The following RMDN2 variants were observed in gnomAD, a reference collection of about 807,000 sequenced individuals.
RMDN2 encodes regulator of microtubule dynamics 2.
RMDN2 carries 61 observed loss-of-function variants against 52.8 expected under a neutral mutation model. The ratio of observed to expected loss-of-function variants is 1.16; its 90% CI spans 0.94 to 1.43. RMDN2 has a LOEUF of 1.43. Ranked by LOEUF, RMDN2 falls within the 40% of genes most tolerant of loss-of-function variation. The pLI, the probability that RMDN2 is intolerant of heterozygous loss-of-function variation, is 0.00. For synonymous variants in RMDN2, 180 were observed against 153.1 expected (o/e 1.18, Z -1.30); for missense variants, 592 against 475.3 (o/e 1.25, Z -2.28).
intron 10 of RMDN2, chr2:38,033,058 C>T (rs1573188293): frequency 6.6e-6 from 1 of 152,154 alleles, no homozygotes; most frequent in South Asian, 2.1e-4. Flanking sequence ...TTCTCGTTAA[C>T]ACTTGCTATG....
chr2:37,929,884 T>C (rs1666580394), intron 2 of RMDN2, among the ~76,000 whole-genome samples, 155 bp downstream of exon 2: 1 of 152,256 alleles, frequency 6.6e-6, no homozygotes, highest in Non-Finnish European at 1.5e-5. Flanking sequence ...TAAAGTCATA[T>C]TCAGTAGTCA....
At chr2:38,016,953 C>T (rs569088747) in intron 10 of RMDN2, among the ~76,000 whole-genome samples, 1 of 151,510 alleles carries the variant, frequency 6.6e-6, no homozygotes, top group Non-Finnish European at 1.5e-5. Flanking sequence ...AAAACACTCA[C>T]TAAGAGAAAA....
chr2:38,026,911 TAA>T (rs1679821034), intron 10 of RMDN2: 1 of 149,182 alleles, frequency 6.7e-6, no homozygotes, highest in Non-Finnish European at 1.5e-5. Flanking sequence ...ATGGGTTATT[TAA>T]AAGTCTGTTT....
At chr2:38,004,828 C>G (rs943527584) in intron 10 of RMDN2, among the ~76,000 whole-genome samples, 1 of 151,890 alleles carries the variant, frequency 6.6e-6, no homozygotes, top group Admixed American at 6.6e-5. Flanking sequence ...ATATATATCT[C>G]CTAATGCTAT....
At chr2:37,967,998 A>G (rs190132779) in intron 2 of RMDN2, among the ~76,000 whole-genome samples, 1 of 152,290 alleles carries the variant, frequency 6.6e-6, no homozygotes, top group Non-Finnish European at 1.5e-5. Context: ...TTGTATTTTT[A>G]TCTTTTAATT....
At chr2:38,019,979 C>G (rs1321693144), downstream of RMDN2, among the ~76,000 whole-genome samples, 1 of 151,984 alleles carries the variant, frequency 6.6e-6, no homozygotes, top group Non-Finnish European at 1.5e-5. Context: ...AAAACTAAAA[C>G]CATTGCAAAT....
chr2:37,950,421 A>G (rs1227468390), intron 2 of RMDN2: 2 of 1,605,914 alleles, frequency 1.2e-6, no homozygotes, highest in Non-Finnish European at 1.7e-6. Context: ...GAGATTCTAG[A>G]GTCTGCTGTC....
intron 2 of RMDN2, among the ~76,000 whole-genome samples, chr2:37,967,318 G>T (rs1215494526): frequency 6.6e-6 from 1 of 152,168 alleles, no homozygotes; most frequent in Admixed American, 6.5e-5. Context: ...CTGCAGAGAA[G>T]AACAGAGCTT....
chr2:38,041,427 G>GTTTTTTTTTTTTTTTTTTTTGTTTTTT (rs3057329), intron 10 of RMDN2, among the ~76,000 whole-genome samples: 1 of 120,092 alleles, frequency 8.3e-6, no homozygotes, highest in African/African-American at 3.2e-5. Flanking sequence ...TTTTTTATTG[G>GTTTTTTTTTTTTTTTTTTTTGTTTTTT]TTTTTTTTTT....
chr2:37,935,656 T>A (rs758185863), intron 2 of RMDN2, among the ~76,000 whole-genome samples: 1 of 152,246 alleles, frequency 6.6e-6, no homozygotes, highest in Non-Finnish European at 1.5e-5. Context: ...TTCTCCTACA[T>A]GTGCACTTTT....
chr2:37,927,281 T>G (rs1209243099), intron 1 of RMDN2, among the ~76,000 whole-genome samples: 1 of 152,238 alleles, frequency 6.6e-6, no homozygotes. Context: ...CATCCAAGAG[T>G]TAGGAACAGG....
Position 37,991,310 on chromosome 2 carries a change from C to G in RMDN2, c.945+13C>G. 7.5e-7 allele frequency: 1 copy of G among 1,331,114 alleles called. No homozygotes were observed. Among genetic ancestry groups the G allele is most frequent in the Non-Finnish European group, 1.0e-6 (1 of 980,052 alleles). 82.5% of individuals were successfully genotyped at this position (1,331,114 alleles called of 1,614,324 possible). A position where few individuals can be genotyped will look rare whatever the true frequency, so the allele number is the denominator to read the frequency against. On this transcript the variant is annotated intron_variant, in intron 7 of 10. Coordinates refer to ENST00000354545, the MANE Select transcript of RMDN2 (RefSeq NM_001170791.3). ...ATACTGCTATACTGTAAGTTGAATG[C>G]CTTTATTTATAAACTTTATTTGAAT...
At chr2:38,031,496 T>G (rs1314620184) in intron 10 of RMDN2, among the ~76,000 whole-genome samples, 1 of 152,084 alleles carries the variant, frequency 6.6e-6, no homozygotes, top group South Asian at 2.1e-4. Flanking sequence ...GAATTTTCAC[T>G]TCTACAGAAC....
intron 4 of RMDN2, among the ~76,000 whole-genome samples, chr2:37,977,189 C>G (rs887209865): frequency 6.6e-6 from 1 of 152,202 alleles, no homozygotes; most frequent in Non-Finnish European, 1.5e-5. Context: ...AACAGCATCC[C>G]AAGGCAGAAG....
intron 10 of RMDN2, among the ~76,000 whole-genome samples, chr2:38,049,847 G>A (rs1681482818): frequency 6.6e-6 from 1 of 152,146 alleles, no homozygotes; most frequent in African/African-American, 2.4e-5. Flanking sequence ...AGGATTACAG[G>A]TGATGACAAG....
At position 38,031,325 on chromosome 2, in the gene RMDN2, A is replaced by G. The variant is rs376904637; in HGVS notation, c.1713+27109A>G. The stretch of plus-strand genomic sequence containing the variant: ...TTGCCCAGGCTGGAGTGCAGTGGCC[A>G]TTCACAGATGCAATCATAGCTCACT... On this transcript the variant is annotated intron_variant, in intron 10 of 10. Transcript: ENST00000234195. 2.3e-5 allele frequency among the ~76,000 whole-genome samples: 3 copies of G among 131,238 alleles called. No individual in the cohort carries two copies. In the East Asian group the frequency reaches 6.6e-4, roughly 29 times the overall value. 86.1% of individuals were successfully genotyped at this position (131,238 alleles called of 152,430 possible).
intron 5 of RMDN2, among the ~76,000 whole-genome samples, chr2:37,982,263 C>CT (rs1673420715): frequency 6.6e-6 from 1 of 152,166 alleles, no homozygotes; most frequent in African/African-American, 2.4e-5. Flanking sequence ...AAGGAGACCT[C>CT]TTTTTTCACT....
intron 10 of RMDN2, among the ~76,000 whole-genome samples, chr2:38,060,245 A>G (rs1369200850): frequency 6.6e-6 from 1 of 151,824 alleles, no homozygotes; most frequent in Non-Finnish European, 1.5e-5. Flanking sequence ...ACACCCGACC[A>G]TTTTGTTTTT....
At chr2:38,050,370 C>T (rs568542295) in intron 10 of RMDN2, among the ~76,000 whole-genome samples, 21 of 151,778 alleles carry the variant, frequency 1.4e-4, no homozygotes, top group African/African-American at 4.8e-4. Context: ...AAAAAAAAAA[C>T]CTTCCCTGAC....
Sources: gnomAD v4.1 joint callset for allele counts (sites outside exome capture counted in the v4.1 genomes callset) on GRCh38, gnomAD v4.1.1 for gene constraint, MANE v1.5 for transcripts, NCBI Gene and HGNC (gene_info 2026-07-23, HGNC 2026-07-21) for gene names.